The following SND1 variants were observed in gnomAD, a reference collection of about 807,000 sequenced individuals.
SND1 encodes staphylococcal nuclease and tudor domain containing 1.
In SND1, 38 loss-of-function variants were observed where a neutral mutation model predicts 121.7. That is an observed-to-expected ratio of 0.31 (90% confidence interval 0.24 to 0.41). The LOEUF is 0.41. SND1 is among the 10% of genes least tolerant of loss of function. SND1 has a pLI of 1.00. For synonymous variants in SND1, 401 were observed against 447.4 expected, an observed-to-expected ratio of 0.90 and a Z score of 1.31; for missense variants, 868 against 1,184.6, an observed-to-expected ratio of 0.73 and a Z score of 3.92.
chr7:128,013,695 T>C (rs1429035800), intron 16 of SND1, among the ~76,000 whole-genome samples: 1 of 152,212 alleles, frequency 6.6e-6, no homozygotes, highest in Non-Finnish European at 1.5e-5. Context: ...ATCCCTCGCA[T>C]GTGCAGTTCA....
intron 10 of SND1, among the ~76,000 whole-genome samples, chr7:127,780,906 G>T (rs1289537136): frequency 6.6e-6 from 1 of 152,092 alleles, no homozygotes; most frequent in Non-Finnish European, 1.5e-5. Flanking sequence ...TATGATTTTG[G>T]CAGCATTTAG....
intron 16 of SND1, among the ~76,000 whole-genome samples, chr7:128,055,428 T>C (rs1035832069): frequency 3.3e-5 from 5 of 152,052 alleles, no homozygotes; most frequent in Non-Finnish European, 7.4e-5. Context: ...AGGAAGGAAA[T>C]GGGAACCTAT....
intron 15 of SND1, chr7:127,949,212 C>T (rs984080919): frequency 1.3e-5 from 2 of 152,208 alleles, no homozygotes; most frequent in African/African-American, 4.8e-5. Context: ...TCTTAAATCA[C>T]TTTGAATGGT....
chr7:127,972,667 C>T (rs1023404261), intron 15 of SND1, among the ~76,000 whole-genome samples: 2 of 152,176 alleles, frequency 1.3e-5, no homozygotes, highest in South Asian at 2.1e-4. Flanking sequence ...GCAACCTCTG[C>T]CCTCTGGGTT....
At chr7:128,023,825 T>G (rs889093080) in intron 16 of SND1, among the ~76,000 whole-genome samples, 1 of 152,230 alleles carries the variant, frequency 6.6e-6, no homozygotes, top group African/African-American at 2.4e-5. Flanking sequence ...ATTTGCTATA[T>G]GGTGTGGAGC....
chr7:127,708,716 G>C (rs953396973), intron 9 of SND1, among the ~76,000 whole-genome samples: 3 of 152,084 alleles, frequency 2.0e-5, no homozygotes, highest in Admixed American at 6.5e-5. Context: ...TTAGTTGCAT[G>C]GTTTTGTAAC....
intron 12 of SND1, among the ~76,000 whole-genome samples, chr7:127,851,305 G>A (rs757900771): frequency 1.3e-5 from 2 of 152,190 alleles, no homozygotes; most frequent in African/African-American, 4.8e-5. Flanking sequence ...CCCCTTGTCA[G>A]TTTCCCAAAG....
chr7:127,751,999 CT>C (rs1797105763), intron 10 of SND1, among the ~76,000 whole-genome samples: 1 of 152,386 alleles, frequency 6.6e-6, no homozygotes, highest in African/African-American at 2.4e-5. Flanking sequence ...CTCTTCCCAT[CT>C]TTTTCCTTGC....
rs533080869 is a variant in SND1, at chr7:127,963,465, CAT to C, written c.1670-27481_1670-27480del. Among the ~76,000 whole-genome samples, 102 of 133,770 alleles carry C rather than the reference CAT, an allele frequency of 7.6e-4. No individual in the cohort carries two copies. In the East Asian group the frequency reaches 0.01, roughly 14 times the overall value. 87.8% of individuals were successfully genotyped at this position (133,770 alleles called of 152,430 possible). A position where few individuals can be genotyped will look rare whatever the true frequency, so the allele number is the denominator to read the frequency against. ...TCCCCTTCCTGTGTCCATGTGATCTCATTGTTCAATTCCCACCTATGAGTGAG... is the reference window on the plus strand; with the variant it reads ...TCCCCTTCCTGTGTCCATGTGATCTCTGTTCAATTCCCACCTATGAGTGAG... On this transcript the variant is annotated intron_variant, in intron 15 of 23. Transcript: ENST00000354725.
chr7:128,085,617 GA>G lies in SND1; in HGVS notation c.2235-91del, dbSNP rs1041316244. 4 of 1,115,764 alleles carry G rather than the reference GA, an allele frequency of 3.6e-6. No individual in the cohort carries two copies. The Admixed American group carries it at 7.0e-5, about 20-fold the overall frequency. 69.1% of individuals were successfully genotyped at this position (1,115,764 alleles called of 1,614,324 possible). ...GTGACACCCGTTGAACCCAGGCAGGGAAATGCTGTGCCCCTGCCCCGCCATT... is the reference window on the plus strand; with the variant it reads ...GTGACACCCGTTGAACCCAGGCAGGGAATGCTGTGCCCCTGCCCCGCCATT... On this transcript the variant is annotated intron_variant, in intron 19 of 23. Coordinates refer to ENST00000354725, the MANE Select transcript of SND1 (RefSeq NM_014390.4). The surrounding 1 kb of genome is among the most constrained non-coding windows in gnomAD (Gnocchi z 4.4).
chr7:127,898,734 A>G (rs1276659942), intron 13 of SND1, among the ~76,000 whole-genome samples: 2 of 152,066 alleles, frequency 1.3e-5, no homozygotes, highest in Admixed American at 1.3e-4. Flanking sequence ...CAATCCTGCT[A>G]CTTGGTTCTG....
At chr7:127,655,049 ACT>A in intron 1 of SND1, among the ~76,000 whole-genome samples, 1 of 152,332 alleles carries the variant, frequency 6.6e-6, no homozygotes, top group South Asian at 2.1e-4. Context: ...AACAGGAGAC[ACT>A]ACTTTTCTGC....
intron 16 of SND1, among the ~76,000 whole-genome samples, chr7:128,035,999 T>G (rs759461684): frequency 6.6e-6 from 1 of 152,142 alleles, no homozygotes; most frequent in Non-Finnish European, 1.5e-5. Flanking sequence ...GCGGACTCTT[T>G]TAAGGGTAGG....
At chr7:128,001,900 C>T (rs1261889026) in intron 16 of SND1, among the ~76,000 whole-genome samples, 1 of 152,122 alleles carries the variant, frequency 6.6e-6, no homozygotes, top group African/African-American at 2.4e-5. Flanking sequence ...CACTGCACTC[C>T]AGTCTTGGCA....
chr7:127,817,339 T>C (rs573699174), intron 11 of SND1, among the ~76,000 whole-genome samples: 63 of 152,328 alleles, frequency 4.1e-4, no homozygotes, highest in Non-Finnish European at 6.6e-4. Context: ...TGGTCTCAGC[T>C]TCCAGTCATA....
chr7:127,742,550 T>C (rs1298305161), intron 10 of SND1, among the ~76,000 whole-genome samples: 1 of 151,582 alleles, frequency 6.6e-6, no homozygotes, highest in East Asian at 1.9e-4. Context: ...TATTAATGCC[T>C]GTCTGTCATA....
At chr7:128,001,020 C>G (rs553080346) in intron 16 of SND1, among the ~76,000 whole-genome samples, 2 of 152,294 alleles carry the variant, frequency 1.3e-5, no homozygotes, top group South Asian at 4.1e-4. Flanking sequence ...GTGTCTGTTG[C>G]CAAGGACTTG....
chr7:127,824,102 T>C (rs1463130803), intron 11 of SND1, among the ~76,000 whole-genome samples: 1 of 152,250 alleles, frequency 6.6e-6, no homozygotes, highest in Non-Finnish European at 1.5e-5. Context: ...AAATAACTAC[T>C]TTTGTAAATG....
chr7:127,735,073 G>A (rs904735740), intron 10 of SND1, among the ~76,000 whole-genome samples: 7 of 152,162 alleles, frequency 4.6e-5, no homozygotes, highest in Admixed American at 3.9e-4. Flanking sequence ...CAGGTAGAGC[G>A]TGAGGTGCTG....
Sources: allele counts gnomAD v4.1 joint callset (sites outside exome capture counted in the v4.1 genomes callset), GRCh38; gene constraint gnomAD v4.1.1; non-coding constraint Gnocchi (gnomAD v3.1); transcripts MANE v1.5; gene names NCBI Gene and HGNC (gene_info 2026-07-23, HGNC 2026-07-21).